Variants in AKT3 observed in about 807,000 individuals in gnomAD.
The protein encoded by AKT3 is AKT serine/threonine kinase 3, also known as RAC-gamma serine/threonine-protein kinase.
In AKT3, 15 loss-of-function variants were observed where a neutral mutation model predicts 65.3. The ratio of observed to expected loss-of-function variants is 0.23; its 90% CI spans 0.15 to 0.35. AKT3 has a LOEUF of 0.35. Among genes scored for constraint, AKT3 ranks in the 10% least tolerant of loss-of-function variants. The pLI is 1.00. For missense variants in AKT3, 243 were observed against 576.5 expected (o/e 0.42, Z 5.92); for synonymous variants, 206 against 183.8 (o/e 1.12, Z -0.98).
intron 2 of AKT3, among the ~76,000 whole-genome samples, chr1:243,827,294 C>T (rs184461410): frequency 1.3e-5 from 2 of 152,250 alleles, no homozygotes; most frequent in Admixed American, 6.5e-5. Flanking sequence ...TACACAAGAC[C>T]TCATTCTCCA....
At chr1:243,649,111 A>G (rs1381072820) in intron 4 of AKT3, among the ~76,000 whole-genome samples, 1 of 152,132 alleles carries the variant, frequency 6.6e-6, no homozygotes, top group Non-Finnish European at 1.5e-5. Flanking sequence ...TTGTTCATTT[A>G]AAATTATTTT....
chr1:243,668,836 G>T (rs983888941), intron 3 of AKT3, among the ~76,000 whole-genome samples: 2 of 152,114 alleles, frequency 1.3e-5, no homozygotes, highest in Non-Finnish European at 2.9e-5. Flanking sequence ...ACTTAAAATG[G>T]GTATGGAGGA....
intron 2 of AKT3, among the ~76,000 whole-genome samples, chr1:243,712,915 G>A (rs1271556499): frequency 6.6e-6 from 1 of 152,138 alleles, no homozygotes; most frequent in African/African-American, 2.4e-5. Context: ...TGATAAAAAT[G>A]CACGCTTGTC....
intron 2 of AKT3, among the ~76,000 whole-genome samples, chr1:243,750,333 C>A (rs1355470970): frequency 6.7e-6 from 1 of 149,958 alleles, no homozygotes. Context: ...TTTAAAAATT[C>A]TCTATTATGT....
rs141249362 is a variant in AKT3, at chr1:243,846,923, G to A, written c.-113+3117C>T. ...TGTTTGAAAGATTAAATGAATACAG[G>A]TAAAGCACATAGAACAGTGCCTGGC... On this transcript the variant is annotated intron_variant, in intron 1 of 13. Coordinates refer to ENST00000673466, the MANE Select transcript of AKT3 (RefSeq NM_005465.7). Among the ~76,000 whole-genome samples the A allele has an allele frequency of 4.8e-3, 728 of 152,272 alleles. 5 individuals are homozygous for A. The highest frequency in any genetic ancestry group is 0.016 in the African/African-American group (685 of 41,576).
At chr1:243,845,163 A>C (rs1047137728) in intron 1 of AKT3, among the ~76,000 whole-genome samples, 2 of 152,010 alleles carry the variant, frequency 1.3e-5, no homozygotes, top group Non-Finnish European at 2.9e-5. Context: ...AACAGTCAGG[A>C]ATCAAGACTA....
intron 2 of AKT3, among the ~76,000 whole-genome samples, chr1:243,729,468 C>T (rs903277518): frequency 1.1e-4 from 16 of 152,128 alleles, no homozygotes; most frequent in African/African-American, 3.9e-4. Context: ...ATGGGTACAG[C>T]CTTTCCAGGA....
chr1:243,746,619 T>C (rs1458289820), intron 2 of AKT3, among the ~76,000 whole-genome samples: 1 of 152,220 alleles, frequency 6.6e-6, no homozygotes, highest in Non-Finnish European at 1.5e-5. Context: ...CTCTGATTTC[T>C]AATGTACCTG....
intron 4 of AKT3, among the ~76,000 whole-genome samples, chr1:243,647,418 G>A (rs1331081003): frequency 2.0e-5 from 3 of 152,252 alleles, no homozygotes; most frequent in African/African-American, 7.2e-5. Context: ...GGTATGGGGT[G>A]GGCTATACCA....
At chr1:243,763,690 T>C (rs1464084522) in intron 2 of AKT3, among the ~76,000 whole-genome samples, 1 of 152,156 alleles carries the variant, frequency 6.6e-6, no homozygotes, top group Admixed American at 6.5e-5. Context: ...TTTGTGTACT[T>C]ATCAGAACCT....
chr1:243,527,306 T>G (rs1368699739), intron 12 of AKT3, among the ~76,000 whole-genome samples: 1 of 152,120 alleles, frequency 6.6e-6, no homozygotes, highest in Non-Finnish European at 1.5e-5. Context: ...AGTACCTAAA[T>G]TACTCTCTAG....
In AKT3 at chr1:243,503,963, A is replaced by T; in HGVS notation, c.*1286T>A. The stretch of plus-strand genomic sequence containing the variant: ...ACGTCAACAGCTATTTGTTTCATTA[A>T]CCCCTTGGCATGCATAGTTGGGGAT... On this transcript the variant is annotated 3_prime_UTR_variant, in exon 14 of 14. Transcript: ENST00000673466. 4.4e-6 allele frequency: 1 copy of T among 225,850 alleles called. No individual in the cohort carries two copies. The highest frequency in any genetic ancestry group is 6.4e-5 in the East Asian group (1 of 15,504). 14.0% of individuals were successfully genotyped at this position (225,850 alleles called of 1,614,324 possible).
At position 243,595,172 on chromosome 1, in the gene AKT3, C is replaced by T. The variant is rs867805012; in HGVS notation, c.696+18499G>A. 4.6e-5 allele frequency among the ~76,000 whole-genome samples: 7 copies of T among 152,146 alleles called. No individual in the cohort carries two copies. The South Asian group carries it at 1.0e-3, about 23-fold the overall frequency. ...ATAGCCTACTACTTCTAGGTACAGACCTGTACAGCATGTTACCCTACTGAA... is the reference window on the plus strand; with the variant it reads ...ATAGCCTACTACTTCTAGGTACAGATCTGTACAGCATGTTACCCTACTGAA... On this transcript the variant is annotated intron_variant, in intron 8 of 13. Transcript: ENST00000673466.
At chr1:243,848,755 A>G (rs1210385433) in intron 1 of AKT3, among the ~76,000 whole-genome samples, 1 of 152,264 alleles carries the variant, frequency 6.6e-6, no homozygotes, top group Non-Finnish European at 1.5e-5. Context: ...CTAAAATCAA[A>G]GTGTGAACAC....
chr1:243,760,282 CTT>C (rs58733457), intron 2 of AKT3, among the ~76,000 whole-genome samples: 5 of 80,910 alleles, frequency 6.2e-5, no homozygotes, highest in African/African-American at 1.1e-4. Flanking sequence ...CTATATCTGG[CTT>C]TTTTTTTTTT....
rs200390292 is a variant in AKT3 at position 243,505,673 on chromosome 1, C to CA, written c.1355-340dup. 4.3e-3 allele frequency among the ~76,000 whole-genome samples: 651 copies of CA among 152,168 alleles called. 4 individuals carry two copies. The highest frequency in any genetic ancestry group is 0.015 in the African/African-American group (610 of 41,546). On this transcript the variant is annotated intron_variant, in intron 13 of 13. Transcript: ENST00000673466. Reference sequence around the variant, plus strand: ...TTTCATTTCATGTAACCACATATATCAAAACTGCAAGTCAGTGAAATCCAC... The same window carrying CA: ...TTTCATTTCATGTAACCACATATATCAAAAACTGCAAGTCAGTGAAATCCAC...
intron 3 of AKT3, among the ~76,000 whole-genome samples, chr1:243,677,490 T>C (rs1431658741): frequency 6.6e-6 from 1 of 151,990 alleles, no homozygotes; most frequent in Non-Finnish European, 1.5e-5. Flanking sequence ...CTTATTTTTT[T>C]CTCATAAAAT....
At chr1:243,839,088 G>A (rs79714325) in intron 2 of AKT3, among the ~76,000 whole-genome samples, 1 of 151,874 alleles carries the variant, frequency 6.6e-6, no homozygotes, top group African/African-American at 2.4e-5. Flanking sequence ...AGACTACTTA[G>A]GTTTTTATGA....
intron 3 of AKT3, among the ~76,000 whole-genome samples, chr1:243,681,583 C>T (rs1683921711): frequency 1.3e-5 from 2 of 152,296 alleles, no homozygotes; most frequent in South Asian, 4.1e-4. Flanking sequence ...TATAATACAA[C>T]TCCTGACAAC....
Sources: gnomAD v4.1 joint callset for allele counts (sites outside exome capture counted in the v4.1 genomes callset) on GRCh38, gnomAD v4.1.1 for gene constraint, MANE v1.5 for transcripts, NCBI Gene and HGNC (gene_info 2026-07-23, HGNC 2026-07-21) for gene names.